Variants in TATDN1 observed in about 807,000 individuals in gnomAD.
TATDN1 encodes TatD DNase domain containing 1.
Under a neutral mutation model 46.4 loss-of-function variants are expected in TATDN1, and 40 were observed. That is an observed-to-expected ratio of 0.86 (90% CI 0.67 to 1.12). TATDN1 has a LOEUF of 1.12. Among genes scored for constraint, TATDN1 ranks in the 50% most tolerant of loss-of-function variants. The pLI is 0.00. For synonymous variants in TATDN1, 95 were observed against 105.6 expected, an observed-to-expected ratio of 0.90 and a Z score of 0.62; for missense variants, 326 against 348.4, an observed-to-expected ratio of 0.94 and a Z score of 0.51.
intron 6 of TATDN1, 107 bp downstream of exon 6, chr8:124,515,639 C>A: frequency 8.7e-7 from 1 of 1,147,988 alleles, no homozygotes; most frequent in African/African-American, 1.6e-5. Context: ...AAGGGAAAAA[C>A]AAAAATATCC....
chr8:124,501,719 G>GT (rs1231862358), intron 9 of TATDN1, among the ~76,000 whole-genome samples: 2 of 152,052 alleles, frequency 1.3e-5, no homozygotes, highest in African/African-American at 4.8e-5. Flanking sequence ...AAGAATACGA[G>GT]TTATCAGTCT....
chr8:124,529,476 G>A (rs2131554454), intron 1 of TATDN1, among the ~76,000 whole-genome samples: 1 of 152,268 alleles, frequency 6.6e-6, no homozygotes, highest in South Asian at 2.1e-4. Flanking sequence ...ATCTCAGCAA[G>A]CATGAACCTT....
At chr8:124,523,924 G>A (rs577357766) in intron 1 of TATDN1, among the ~76,000 whole-genome samples, 51 of 152,110 alleles carry the variant, frequency 3.4e-4, no homozygotes, top group Non-Finnish European at 6.6e-4. Flanking sequence ...GGGAACATGG[G>A]GAACAACAAG....
At chr8:124,523,714 G>A (rs1017451341) in intron 1 of TATDN1, among the ~76,000 whole-genome samples, 1 of 152,150 alleles carries the variant, frequency 6.6e-6, no homozygotes, top group Non-Finnish European at 1.5e-5. Flanking sequence ...GATATGCACA[G>A]GTTACAGGCA....
At chr8:124,519,940 A>G (rs1232860908) in intron 3 of TATDN1, among the ~76,000 whole-genome samples, 2 of 152,232 alleles carry the variant, frequency 1.3e-5, no homozygotes, top group South Asian at 2.1e-4. Context: ...ATAATGATGT[A>G]TATTTTTGTA....
intron 6 of TATDN1, among the ~76,000 whole-genome samples, chr8:124,509,649 T>C (rs1818833055): frequency 6.6e-6 from 1 of 152,224 alleles, no homozygotes; most frequent in South Asian, 2.1e-4. Flanking sequence ...TATATTTTTC[T>C]ATATCATATT....
At chr8:124,538,665 G>A (rs932744695) in intron 1 of TATDN1, among the ~76,000 whole-genome samples, 6 of 152,214 alleles carry the variant, frequency 3.9e-5, no homozygotes, top group Non-Finnish European at 8.8e-5. Flanking sequence ...CAGCCTCTCC[G>A]CCAAGGCAGA....
At chr8:124,534,726 C>T (rs953503190) in intron 1 of TATDN1, among the ~76,000 whole-genome samples, 2 of 152,176 alleles carry the variant, frequency 1.3e-5, no homozygotes, top group Non-Finnish European at 1.5e-5. Flanking sequence ...TAACATCAGA[C>T]CGCAGAGGTC....
intron 3 of TATDN1, 164 bp downstream of exon 3, chr8:124,521,987 A>C: frequency 1.8e-6 from 1 of 545,758 alleles, no homozygotes; most frequent in South Asian, 2.7e-5. Context: ...CTATGAACAG[A>C]GTATTTTGAT....
In TATDN1 at chr8:124,508,622, G is replaced by C; in HGVS notation, c.456C>G (p.Asn152Lys). ...ACTCACCCAAAAATTCAGCATGTGA[G>C]TTTCGACAATGAAGAAACATTGGTA... is the stretch of plus-strand genomic sequence containing the variant. Reference protein sequence around the residue: ...TKLPMFLHCRNSHAEFLDIMK... With the variant: ...TKLPMFLHCRKSHAEFLDIMK... The change falls in exon 7 of 12, where the codon AAC becomes AAG. Residue 152 changes from asparagine to lysine, a missense_variant. Transcript: ENST00000276692. 3 of 1,603,652 alleles carry C rather than the reference G, an allele frequency of 1.9e-6. No homozygotes were observed. Among genetic ancestry groups the C allele is most frequent in the Non-Finnish European group, 2.6e-6 (3 of 1,174,884 alleles).
intron 8 of TATDN1, 23 bp from the exon 9 acceptor site, chr8:124,504,370 T>C: frequency 6.8e-7 from 1 of 1,464,340 alleles, no homozygotes; most frequent in South Asian, 1.4e-5. Context: ...AGGTATAAGT[T>C]TATTATTATA....
intron 1 of TATDN1, among the ~76,000 whole-genome samples, chr8:124,537,867 A>G (rs1821604713): frequency 6.6e-6 from 1 of 152,086 alleles, no homozygotes; most frequent in Admixed American, 6.6e-5. Context: ...TTGACTGTAC[A>G]GTACATAGGT....
chr8:124,529,839 C>A (rs1451006282), intron 1 of TATDN1, among the ~76,000 whole-genome samples: 1 of 151,802 alleles, frequency 6.6e-6, no homozygotes, highest in Admixed American at 6.6e-5. Flanking sequence ...TGTCTGTAAT[C>A]CCAGCACTCT....
chr8:124,534,341 G>A (rs1025117242), intron 1 of TATDN1, among the ~76,000 whole-genome samples: 1 of 152,076 alleles, frequency 6.6e-6, no homozygotes, highest in Non-Finnish European at 1.5e-5. Context: ...AAGTTTCAGT[G>A]ACCGTAAGTT....
intron 4 of TATDN1, 61 bp downstream of exon 4, chr8:124,518,756 AG>A: frequency 8.0e-7 from 1 of 1,252,994 alleles, no homozygotes; most frequent in Non-Finnish European, 1.2e-6. Flanking sequence ...AGCAGTTTTC[AG>A]AAAGACTTCT....
chr8:124,495,415 C>T (rs1817377894), intron 10 of TATDN1, 57 bp downstream of exon 10: 8 of 1,355,934 alleles, frequency 5.9e-6, no homozygotes, highest in East Asian at 2.4e-5. Flanking sequence ...CTTTCTCCAG[C>T]TTTCCTTTTT....
intron 6 of TATDN1, among the ~76,000 whole-genome samples, chr8:124,508,992 A>G (rs568690840): frequency 6.6e-6 from 1 of 152,326 alleles, no homozygotes; most frequent in South Asian, 2.1e-4. Context: ...ACCAAGCGAG[A>G]AGCCCAGGAG....
At chr8:124,492,119 C>T (rs1193203717) in intron 11 of TATDN1, among the ~76,000 whole-genome samples, 4 of 152,108 alleles carry the variant, frequency 2.6e-5, no homozygotes, top group Non-Finnish European at 5.9e-5. Context: ...GCATTACGGG[C>T]ATCCGCCATG....
chr8:124,495,213 T>C, intron 10 of TATDN1: 2 of 471,674 alleles, frequency 4.2e-6, no homozygotes, highest in Non-Finnish European at 7.5e-6. Flanking sequence ...TACTCGTAAC[T>C]ACAACCTCCT....
Sources: gnomAD v4.1 joint callset for allele counts (sites outside exome capture counted in the v4.1 genomes callset) on GRCh38, gnomAD v4.1.1 for gene constraint, MANE v1.5 for transcripts, NCBI Gene and HGNC (gene_info 2026-07-23, HGNC 2026-07-21) for gene names.